ZCCHC7: variants seen among roughly 807,000 people sequenced by gnomAD.
ZCCHC7 encodes the protein zinc finger CCHC domain-containing protein 7.
In ZCCHC7, 35 loss-of-function variants were observed where a neutral mutation model predicts 52.0. The observed-to-expected ratio is 0.67, with a 90% CI of 0.51 to 0.89. The LOEUF (loss-of-function observed/expected upper bound fraction) is 0.89, where lower values mean the gene tolerates loss of function less well. ZCCHC7 is among the 40% of genes least tolerant of loss of function. The pLI is 0.00. For missense variants in ZCCHC7, 574 were observed against 649.1 expected (o/e 0.88, Z 1.26); for synonymous variants, 217 against 221.5 (o/e 0.98, Z 0.18).
chr9:37,135,403 CA>C (rs1020437105), intron 2 of ZCCHC7, among the ~76,000 whole-genome samples: 1 of 151,886 alleles, frequency 6.6e-6, no homozygotes, highest in African/African-American at 2.4e-5. Flanking sequence ...TTAGGTTTAG[CA>C]AAAAATTAAT....
chr9:37,263,033 A>C (rs1169935932), intron 2 of ZCCHC7, among the ~76,000 whole-genome samples: 1 of 152,228 alleles, frequency 6.6e-6, no homozygotes, highest in Non-Finnish European at 1.5e-5. Flanking sequence ...TTTTCTTAAA[A>C]ATGAGCATCA....
chr9:37,151,830 C>T (rs910661697), intron 2 of ZCCHC7, among the ~76,000 whole-genome samples: 10 of 152,008 alleles, frequency 6.6e-5, no homozygotes, highest in Non-Finnish European at 1.5e-4. Flanking sequence ...CTTTTTTCTT[C>T]GACTCTAAGA....
chr9:37,194,312 CTT>C (rs1406476701), intron 2 of ZCCHC7, among the ~76,000 whole-genome samples: 1 of 152,066 alleles, frequency 6.6e-6, no homozygotes, highest in Non-Finnish European at 1.5e-5. Flanking sequence ...CTATAAGAGA[CTT>C]TAGAGCTTAC....
chr9:37,348,308 A>G (rs961057650), intron 6 of ZCCHC7, among the ~76,000 whole-genome samples: 2 of 150,606 alleles, frequency 1.3e-5, no homozygotes, highest in Non-Finnish European at 2.9e-5. Flanking sequence ...CCTTTCCCTC[A>G]TTCCCCACGT....
At position 37,305,678 on chromosome 9, in the gene ZCCHC7, G is replaced by A. The variant is rs114969631; in HGVS notation, c.915G>A (p.Gln305=). The A allele has an allele frequency of 1.2e-4, 191 of 1,614,126 alleles. No homozygotes were observed. The African/African-American group carries it at 2.4e-3, about 20-fold the overall frequency. ...TTTTCAGACATTCCTGGGATAAACA[G>A]TGTGACCGATGTCATATGCTAGGCC... ...SCLFRHSWDK[Q]CDRCHMLGHY... The change falls in exon 5 of 9, where the codon CAG becomes CAA. Residue 305 remains glutamine (Q), a synonymous_variant. Coordinates refer to ENST00000336755, the MANE Select transcript of ZCCHC7 (RefSeq NM_032226.3).
At chr9:37,213,584 C>T (rs551608679) in intron 2 of ZCCHC7, among the ~76,000 whole-genome samples, 1 of 152,170 alleles carries the variant, frequency 6.6e-6, no homozygotes, top group Non-Finnish European at 1.5e-5. Context: ...ATGATTCATA[C>T]TTAGTAAATG....
intron 2 of ZCCHC7, among the ~76,000 whole-genome samples, chr9:37,169,244 A>AT (rs1021665053): frequency 6.6e-6 from 1 of 152,164 alleles, no homozygotes. Context: ...CTCTTTTGAG[A>AT]TTTGATGTCA....
At chr9:37,276,817 A>C (rs1827705559) in intron 2 of ZCCHC7, among the ~76,000 whole-genome samples, 1 of 152,228 alleles carries the variant, frequency 6.6e-6, no homozygotes, top group African/African-American at 2.4e-5. Flanking sequence ...TTGTATAATA[A>C]AACTCATGAC....
At position 37,324,500 on chromosome 9, in the gene ZCCHC7, A is replaced by G. The variant is rs148850137; in HGVS notation, c.952-3299A>G. 7.7e-4 allele frequency among the ~76,000 whole-genome samples: 117 copies of G among 152,304 alleles called. 2 individuals are homozygous for G. The highest frequency in any genetic ancestry group is 2.7e-3 in the African/African-American group (112 of 41,564). ...ATAATTTGACAAGACAAGCTCTTAA[A>G]CGATCTAGGTCATGGCCTTCACTGT... On this transcript the variant is annotated intron_variant, in intron 5 of 8. Coordinates refer to ENST00000336755, the MANE Select transcript of ZCCHC7 (RefSeq NM_032226.3).
chr9:37,167,687 A>C (rs930698671), intron 2 of ZCCHC7, among the ~76,000 whole-genome samples: 2 of 152,174 alleles, frequency 1.3e-5, no homozygotes, highest in African/African-American at 4.8e-5. Flanking sequence ...TTCTAGGATA[A>C]AATTAAATTA....
At chr9:37,144,923 G>GC (rs1843372879) in intron 2 of ZCCHC7, 1 of 152,010 alleles carries the variant, frequency 6.6e-6, no homozygotes, top group Non-Finnish European at 1.5e-5. Context: ...TTAACTCCTA[G>GC]CAGGGCCACG....
At chr9:37,232,141 GTAC>G (rs1406347356) in intron 2 of ZCCHC7, among the ~76,000 whole-genome samples, 1 of 152,188 alleles carries the variant, frequency 6.6e-6, no homozygotes, top group African/African-American at 2.4e-5. Flanking sequence ...GATCAGACGT[GTAC>G]TAAGCAGTTA....
rs869292704 is a variant in ZCCHC7 at position 37,306,762 on chromosome 9, CTTTTTTTTTTTTTTTTTTTTTTTTTTT to C, written c.951+1064_951+1090del. 5.8e-4 allele frequency among the ~76,000 whole-genome samples: 30 copies of C among 52,036 alleles called. 1 individual carries two copies. The highest frequency in any genetic ancestry group is 2.4e-3 in the South Asian group (3 of 1,246). 34.1% of individuals were successfully genotyped at this position (52,036 alleles called of 152,430 possible). On this transcript the variant is annotated intron_variant, in intron 5 of 8. Coordinates refer to ENST00000336755, the MANE Select transcript of ZCCHC7 (RefSeq NM_032226.3). ...ACAGGCATGAGCCACTGTACCCGAC[CTTTTTTTTTTTTTTTTTTTTTTTTTTT>C]TTTTTTTTTTTTTTTGGAGACAGGG... is the stretch of plus-strand genomic sequence containing the variant.
At chr9:37,216,204 TAGAA>T (rs1824495515) in intron 2 of ZCCHC7, among the ~76,000 whole-genome samples, 1 of 152,318 alleles carries the variant, frequency 6.6e-6, no homozygotes, top group African/African-American at 2.4e-5. Flanking sequence ...TCTTGTCTCT[TAGAA>T]AGTACATGAA....
intron 2 of ZCCHC7, among the ~76,000 whole-genome samples, chr9:37,241,419 A>G (rs1028364223): frequency 6.6e-6 from 1 of 151,872 alleles, no homozygotes; most frequent in Non-Finnish European, 1.5e-5. Context: ...ACGATTGGAA[A>G]TGAGAAGTGC....
At chr9:37,212,091 G>GATGATTT (rs1464265375) in intron 2 of ZCCHC7, among the ~76,000 whole-genome samples, 2 of 144,084 alleles carry the variant, frequency 1.4e-5, no homozygotes, top group African/African-American at 5.1e-5. Flanking sequence ...AATCACTGGG[G>GATGATTT]ATGATTTTAC....
At chr9:37,163,074 G>C (rs545059025) in intron 2 of ZCCHC7, among the ~76,000 whole-genome samples, 18 of 152,158 alleles carry the variant, frequency 1.2e-4, no homozygotes, top group African/African-American at 4.3e-4. Flanking sequence ...GGTAGTGTGC[G>C]CCTGTAGTCC....
chr9:37,140,185 C>A (rs1043619671), intron 2 of ZCCHC7, among the ~76,000 whole-genome samples: 1 of 151,888 alleles, frequency 6.6e-6, no homozygotes, highest in Non-Finnish European at 1.5e-5. Flanking sequence ...TCTGATTTAA[C>A]ACAAATGAAC....
At chr9:37,191,810 C>G (rs1001543867) in intron 2 of ZCCHC7, among the ~76,000 whole-genome samples, 4 of 152,208 alleles carry the variant, frequency 2.6e-5, no homozygotes, top group Non-Finnish European at 4.4e-5. Context: ...TTGTAGCAGT[C>G]TAGTTTACAA....
Sources: gnomAD v4.1 joint callset for allele counts (sites outside exome capture counted in the v4.1 genomes callset) on GRCh38, gnomAD v4.1.1 for gene constraint, MANE v1.5 for transcripts, NCBI Gene and HGNC (gene_info 2026-07-23, HGNC 2026-07-21) for gene names.